The following C1RL variants were observed in gnomAD, a reference collection of about 807,000 sequenced individuals.
C1RL encodes complement C1r subcomponent-like protein.
In C1RL, 27 loss-of-function variants were observed where a neutral mutation model predicts 27.9. The observed-to-expected ratio is 0.97, with a 90% confidence interval of 0.71 to 1.33. The LOEUF (loss-of-function observed/expected upper bound fraction) is 1.33, where lower values mean the gene tolerates loss of function less well. Ranked by LOEUF, C1RL falls within the 40% of genes most tolerant of loss-of-function variation. The pLI is 0.00. For synonymous variants in C1RL, 248 were observed against 252.1 expected, an observed-to-expected ratio of 0.98 and a Z score of 0.15; for missense variants, 563 against 623.9, an observed-to-expected ratio of 0.90 and a Z score of 1.04.
Position 7,096,141 on chromosome 12 carries a change from A to C in C1RL, c.*250T>G. On this transcript the variant is annotated 3_prime_UTR_variant, in exon 6 of 6. Transcript: ENST00000266542. ...GTACAGGCTTCCCGGGGCCTAGTGC[A>C]TGAGCACAGGGAGGTAGAGGGTGAG... The C allele has an allele frequency of 7.8e-7, 1 of 1,279,064 alleles. No homozygotes were observed. 79.2% of individuals were successfully genotyped at this position (1,279,064 alleles called of 1,614,324 possible). A position where few individuals can be genotyped will look rare whatever the true frequency, so the allele number is the denominator to read the frequency against.
In C1RL at chr12:7,094,851, G is replaced by A. The variant is rs1938381739; in HGVS notation, c.*1540C>T. On this transcript the variant is annotated 3_prime_UTR_variant, in exon 6 of 6. Coordinates refer to ENST00000266542, the MANE Select transcript of C1RL (RefSeq NM_016546.4). ...GCATCAGCCTCCTGAGTGGCTGGGG[G>A]TATAAGTGTGCATCATTGCACCTGC... The A allele has an allele frequency of 1.2e-5, 12 of 991,892 alleles. No homozygotes were observed. The highest frequency in any genetic ancestry group is 1.7e-5 in the African/African-American group (1 of 57,290). The allele number at this position is 991,892 out of a possible 1,614,324, so 61.4% of individuals were successfully genotyped here. A position where few individuals can be genotyped will look rare whatever the true frequency, so the allele number is the denominator to read the frequency against.
rs1162618850 is a variant in C1RL at position 7,096,294 on chromosome 12, AC to A, written c.*96del. The A allele has an allele frequency of 1.2e-4, 14 of 115,306 alleles. No homozygotes were observed. Among genetic ancestry groups the A allele is most frequent in the Non-Finnish European group, 1.6e-4 (13 of 83,008 alleles). 7.1% of individuals were successfully genotyped at this position (115,306 alleles called of 1,614,324 possible). A position where few individuals can be genotyped will look rare whatever the true frequency, so the allele number is the denominator to read the frequency against. ...ATTTCCCTGCCTCCCCCAACCCCCC[AC>A]CCCCAACCCCTACCCCAGTGTTCAG... On this transcript the variant is annotated 3_prime_UTR_variant, in exon 6 of 6. Coordinates refer to ENST00000266542, the MANE Select transcript of C1RL (RefSeq NM_016546.4).
chr12:7,107,086 G>A (rs996286269), intron 2 of C1RL, among the ~76,000 whole-genome samples: 1 of 152,120 alleles, frequency 6.6e-6, no homozygotes, highest in Non-Finnish European at 1.5e-5. Context: ...ACATGAATTG[G>A]CAAATGACTG....
At position 7,096,964 on chromosome 12, in the gene C1RL, C is replaced by G. The variant is rs1350856962; in HGVS notation, c.891G>C (p.Gln297His). The G allele has an allele frequency of 2.5e-6, 4 of 1,613,716 alleles. No individual in the cohort carries two copies. In the South Asian group the frequency reaches 3.3e-5, roughly 13 times the overall value. Residue 297 changes from glutamine to histidine, a missense_variant, in exon 6 of 6, where the codon CAG (glutamine) becomes CAC (histidine). Physicochemically the swap from Gln to His is conservative, Grantham distance 24 (BLOSUM62 0). Coordinates refer to ENST00000266542, the MANE Select transcript of C1RL (RefSeq NM_016546.4). The stretch of plus-strand genomic sequence containing the variant: ...TGTGGCCCAAGAACACATTCACACT[C>G]TGGTTCTTCCTGAGAGAAACACTGT... ...PKDSVSLRKN[Q>H]SVNVFLGHTA...
chr12:7,096,747 C>T lies in C1RL; in HGVS notation c.1108G>A (p.Gly370Ser), dbSNP rs770544200. 2.2e-5 allele frequency: 35 copies of T among 1,611,250 alleles called. No individual in the cohort carries two copies. In the Admixed American group the frequency reaches 2.5e-4, roughly 12 times the overall value. Reference protein sequence around the residue: ...LPDNETLYRSGLLGYVSGFGM... With the variant: ...LPDNETLYRSSLLGYVSGFGM... The stretch of plus-strand genomic sequence containing the variant: ...AACCCACTGACGTAGCCCAACAAGC[C>T]GCTGCGGTAGAGGGTCTCATTATCG... Residue 370 changes from glycine (G) to serine (S), a missense_variant, in exon 6 of 6, where the codon GGC (glycine) becomes AGC (serine). Transcript: ENST00000266542.
At chr12:7,103,533 T>A (rs1219123778) in intron 2 of C1RL, among the ~76,000 whole-genome samples, 1 of 152,210 alleles carries the variant, frequency 6.6e-6, no homozygotes, top group Non-Finnish European at 1.5e-5. Context: ...CCTTCAAAAT[T>A]CATTATGTTG....
rs372995416 is a variant in C1RL at position 7,108,311 on chromosome 12, C to T, written c.240G>A (p.Arg80=). The part of the protein sequence containing the change: ...DIKAPEGFAV[R]LVFQDFDLEP... ...CCAGGTCGAAGTCCTGGAAGACGAG[C>T]CTCACAGCAAAGCCCTCTGGAGCCT... is the stretch of plus-strand genomic sequence containing the variant. Residue 80 remains arginine, a synonymous_variant, in exon 2 of 6, where the codon AGG becomes AGA. Transcript: ENST00000266542. 9.9e-6 allele frequency: 16 copies of T among 1,614,098 alleles called. No homozygotes were observed. The African/African-American group carries it at 2.0e-4, about 20-fold the overall frequency.
chr12:7,098,615 G>A (rs893937040), intron 5 of C1RL, among the ~76,000 whole-genome samples: 1 of 152,164 alleles, frequency 6.6e-6, no homozygotes, highest in Non-Finnish European at 1.5e-5. Context: ...ATAGAAAGGA[G>A]TATTATTTAG....
At position 7,104,864 on chromosome 12, in the gene C1RL, T is replaced by A. The variant is rs1167192839; in HGVS notation, c.301-2777A>T. Among the ~76,000 whole-genome samples, 1 of 152,218 alleles carries A rather than the reference T, an allele frequency of 6.6e-6. No individual in the cohort carries two copies. Among genetic ancestry groups the A allele is most frequent in the African/African-American group, 2.4e-5 (1 of 41,460 alleles). On this transcript the variant is annotated intron_variant, in intron 2 of 5. Transcript: ENST00000266542. This position sits in a 1 kb window ranked among gnomAD's most constrained non-coding sequence, Gnocchi z 5.4. The stretch of plus-strand genomic sequence containing the variant: ...AATTGCTGTAGAAACTTCACTCTTG[T>A]CTATATCAATTAGCTCTATGGCCAA...
Position 7,108,350 on chromosome 12 carries a change from G to A in C1RL, c.201C>T (p.Ser67=). The change falls in exon 2 of 6, where the codon AGC becomes AGT. Residue 67 remains serine, a synonymous_variant. Coordinates refer to ENST00000266542, the MANE Select transcript of C1RL (RefSeq NM_016546.4). ...CCTCTGGAGCCTTGATGTCCGTGCT[G>A]CTCTCTTGGCCTTTGCCATACGGCT... ...YPEPYGKGQE[S]STDIKAPEGF... is the part of the protein sequence containing the mutation. 1 of 1,614,272 alleles carries A rather than the reference G, an allele frequency of 6.2e-7. No individual in the cohort carries two copies. The highest frequency in any genetic ancestry group is 2.2e-5 in the East Asian group (1 of 44,888).
At chr12:7,103,385 TG>T (rs1489417137) in intron 2 of C1RL, among the ~76,000 whole-genome samples, 3 of 152,168 alleles carry the variant, frequency 2.0e-5, no homozygotes, top group African/African-American at 7.2e-5. Context: ...ATGTGTGAAA[TG>T]GGGAGTTTCT....
Position 7,096,287 on chromosome 12 carries a change from A to AACCCCCC in C1RL, c.*103_*104insGGGGGGT. On this transcript the variant is annotated 3_prime_UTR_variant, in exon 6 of 6. Transcript: ENST00000266542. The stretch of plus-strand genomic sequence containing the variant: ...GAATAGGATTTCCCTGCCTCCCCCA[A>AACCCCCC]CCCCCCACCCCCAACCCCTACCCCA... 1 of 444,702 alleles carries AACCCCCC rather than the reference A, an allele frequency of 2.2e-6. No homozygotes were observed. Among genetic ancestry groups the AACCCCCC allele is most frequent in the Non-Finnish European group, 3.0e-6 (1 of 335,762 alleles). 27.5% of individuals were successfully genotyped at this position (444,702 alleles called of 1,614,324 possible).
Position 7,096,577 on chromosome 12 carries a change from C to T in C1RL, c.1278G>A (p.Thr426=), listed in dbSNP as rs142793242. ...CCCCCTGGCAGACACTGTGCCTTTGCGTCTCATCCCCAACACAGAACATAT... is the reference window on the plus strand; with the variant it reads ...CCCCCTGGCAGACACTGTGCCTTTGTGTCTCATCCCCAACACAGAACATAT... ...SDNMFCVGDE[T]QRHSVCQGDS... Residue 426 remains threonine (T), a synonymous_variant, in exon 6 of 6, where the codon ACG becomes ACA. Transcript: ENST00000266542. The T allele has an allele frequency of 8.5e-5, 137 of 1,614,032 alleles. 1 individual carries two copies. The highest frequency in any genetic ancestry group is 1.6e-4 in the Middle Eastern group (1 of 6,084).
rs148521163 is a variant in C1RL, at chr12:7,096,924, T to A, written c.931A>T (p.Met311Leu). 66 of 1,605,694 alleles carry A rather than the reference T, an allele frequency of 4.1e-5. No homozygotes were observed. The African/African-American group carries it at 7.9e-4, about 19-fold the overall frequency. Residue 311 changes from methionine (M) to leucine (L), a missense_variant, in exon 6 of 6, where the codon ATG (methionine) becomes TTG (leucine). Met to Leu is a conservative substitution (Grantham distance 15). Coordinates refer to ENST00000266542, the MANE Select transcript of C1RL (RefSeq NM_016546.4). ...VFLGHTAIDEMLKLGNHPVHR... is the reference protein window; with the variant it reads ...VFLGHTAIDELLKLGNHPVHR... ...ACAGGGTGGTTCCCCAGTTTCAGCA[T>A]CTCATCTATGGCTGTGTGGCCCAAG... is the stretch of plus-strand genomic sequence containing the variant.
chr12:7,108,191 A>G, intron 2 of C1RL, 60 bp downstream of exon 2: 1 of 1,373,124 alleles, frequency 7.3e-7, no homozygotes, highest in Non-Finnish European at 9.8e-7. Context: ...GCCACTTCCC[A>G]CAACCCCGGG....
At chr12:7,097,220 T>G (rs1938473224) in intron 5 of C1RL, 57 bp from the exon 6 acceptor site, 1 of 1,471,758 alleles carries the variant, frequency 6.8e-7, no homozygotes, top group Admixed American at 2.2e-5. Flanking sequence ...ACACACTGAT[T>G]AAAGACCTGC....
Position 7,095,591 on chromosome 12 carries a change from G to C in C1RL, c.*800C>G. The stretch of plus-strand genomic sequence containing the variant: ...GTGTGAGCTAGAGGATACCATTTTC[G>C]CAGAAGCAGGAATTCCCAGGGAGGG... On this transcript the variant is annotated 3_prime_UTR_variant, in exon 6 of 6. Transcript: ENST00000266542. 1.0e-6 allele frequency: 1 copy of C among 985,772 alleles called. No homozygotes were observed. The highest frequency in any genetic ancestry group is 4.7e-5 in the South Asian group (1 of 21,320). 61.1% of individuals were successfully genotyped at this position (985,772 alleles called of 1,614,324 possible).
intron 2 of C1RL, among the ~76,000 whole-genome samples, chr12:7,103,356 A>G (rs1938676415): frequency 6.6e-6 from 1 of 152,212 alleles, no homozygotes; most frequent in African/African-American, 2.4e-5. Context: ...CTTAAATTCT[A>G]GACTTTGCTA....
At chr12:7,097,304 TC>T in intron 5 of C1RL, 141 bp from the exon 6 acceptor site, 1 of 735,096 alleles carries the variant, frequency 1.4e-6, no homozygotes, top group Non-Finnish European at 2.1e-6. Flanking sequence ...TTTTTTGATA[TC>T]GAGTTTCGCT....
Sources: allele counts gnomAD v4.1 joint callset (sites outside exome capture counted in the v4.1 genomes callset), GRCh38; gene constraint gnomAD v4.1.1; non-coding constraint Gnocchi (gnomAD v3.1); transcripts MANE v1.5; gene names NCBI Gene and HGNC (gene_info 2026-07-23, HGNC 2026-07-21).